Variants in KCNH8 observed in about 807,000 individuals in gnomAD.
The protein encoded by KCNH8 is potassium voltage-gated channel subfamily H member 8, also known as voltage-gated delayed rectifier potassium channel KCNH8.
In KCNH8, 70 loss-of-function variants were observed where a neutral mutation model predicts 103.6. The ratio of observed to expected loss-of-function variants is 0.68; its 90% CI spans 0.56 to 0.82. KCNH8 has a LOEUF of 0.82. KCNH8 is among the 40% of genes least tolerant of loss of function. KCNH8 has a pLI of 0.00. For missense variants in KCNH8, 1,217 were observed against 1,329.9 expected (o/e 0.92, Z 1.32); for synonymous variants, 498 against 489.4 (o/e 1.02, Z -0.23).
chr3:19,417,748 C>G (rs1473903904), intron 7 of KCNH8, among the ~76,000 whole-genome samples: 1 of 151,958 alleles, frequency 6.6e-6, no homozygotes, highest in African/African-American at 2.4e-5. Context: ...GATTATGTGT[C>G]TAAGAGACTA....
intron 1 of KCNH8, among the ~76,000 whole-genome samples, chr3:19,237,584 A>G (rs866715379): frequency 1.7e-4 from 26 of 152,348 alleles, no homozygotes; most frequent in African/African-American, 6.3e-4. Context: ...ATTTACAGTA[A>G]TCTGTACAGA....
At chr3:19,337,305 A>G (rs2065597473) in intron 3 of KCNH8, among the ~76,000 whole-genome samples, 1 of 152,124 alleles carries the variant, frequency 6.6e-6, no homozygotes, top group African/African-American at 2.4e-5. Flanking sequence ...TTCCTGGCAT[A>G]ATGCCTAGAA....
chr3:19,245,951 A>G (rs911738411), intron 1 of KCNH8, among the ~76,000 whole-genome samples: 1 of 152,140 alleles, frequency 6.6e-6, no homozygotes, highest in Non-Finnish European at 1.5e-5. Context: ...TTATTTTTCA[A>G]TATGAAACTT....
intron 2 of KCNH8, among the ~76,000 whole-genome samples, chr3:19,267,902 A>G (rs140263825): frequency 2.0e-5 from 3 of 152,112 alleles, no homozygotes; most frequent in African/African-American, 4.8e-5. Context: ...CAGTAATAGC[A>G]TCTGTTTCAT....
At chr3:19,428,931 C>A (rs2067069824) in intron 7 of KCNH8, among the ~76,000 whole-genome samples, 1 of 152,082 alleles carries the variant, frequency 6.6e-6, no homozygotes, top group South Asian at 2.1e-4. Flanking sequence ...TGTCTCTCTG[C>A]ATTCTATCTA....
intron 1 of KCNH8, among the ~76,000 whole-genome samples, chr3:19,154,319 G>A (rs1195829266): frequency 6.6e-6 from 1 of 152,156 alleles, no homozygotes; most frequent in Non-Finnish European, 1.5e-5. Context: ...AGGGTGTTAA[G>A]GGGTCAATGT....
intron 3 of KCNH8, among the ~76,000 whole-genome samples, chr3:19,306,804 T>C (rs931194800): frequency 6.6e-6 from 1 of 152,078 alleles, no homozygotes; most frequent in Admixed American, 6.6e-5. Flanking sequence ...TGTGATATCA[T>C]ATCAAGGATT....
chr3:19,203,970 A>G (rs1466771883), intron 1 of KCNH8, among the ~76,000 whole-genome samples: 1 of 152,136 alleles, frequency 6.6e-6, no homozygotes, highest in Non-Finnish European at 1.5e-5. Flanking sequence ...TTATTTTTAG[A>G]AAGAATTTCA....
At chr3:19,282,089 T>G (rs143322044) in intron 3 of KCNH8, among the ~76,000 whole-genome samples, 3 of 152,126 alleles carry the variant, frequency 2.0e-5, no homozygotes, top group Admixed American at 1.3e-4. Flanking sequence ...AATCAGCTAC[T>G]TGACATTTCA....
chr3:19,258,314 G>A (rs1209668886), intron 2 of KCNH8, among the ~76,000 whole-genome samples: 2 of 152,004 alleles, frequency 1.3e-5, no homozygotes, highest in African/African-American at 4.8e-5. Flanking sequence ...CAAGGTCCTT[G>A]TTCTTAAGCC....
chr3:19,488,808 T>G (rs1032287879), intron 11 of KCNH8, among the ~76,000 whole-genome samples: 7 of 152,140 alleles, frequency 4.6e-5, no homozygotes, highest in African/African-American at 1.4e-4. Context: ...TCTAGCTACT[T>G]AGTTGCCGCC....
chr3:19,352,736 G>T (rs2065821550), intron 5 of KCNH8, among the ~76,000 whole-genome samples: 2 of 152,302 alleles, frequency 1.3e-5, no homozygotes, highest in East Asian at 3.9e-4. Context: ...TTAAAGCAGT[G>T]TGTAGAGGGA....
At chr3:19,484,243 G>A (rs966840378) in intron 11 of KCNH8, among the ~76,000 whole-genome samples, 1 of 152,080 alleles carries the variant, frequency 6.6e-6, no homozygotes, top group Non-Finnish European at 1.5e-5. Context: ...CGTTTCCTGG[G>A]CTACATACCT....
At chr3:19,163,826 A>G (rs2063257134) in intron 1 of KCNH8, among the ~76,000 whole-genome samples, 1 of 152,304 alleles carries the variant, frequency 6.6e-6, no homozygotes, top group South Asian at 2.1e-4. Flanking sequence ...ATCCACTTCC[A>G]TTTAATGAAT....
At chr3:19,177,454 T>C (rs1231001748) in intron 1 of KCNH8, among the ~76,000 whole-genome samples, 2 of 152,108 alleles carry the variant, frequency 1.3e-5, no homozygotes, top group Admixed American at 6.5e-5. Flanking sequence ...TTCTATTATG[T>C]TCTATCTTTT....
At position 19,424,556 on chromosome 3, in the gene KCNH8, G is replaced by C. The variant is rs544764977; in HGVS notation, c.1178-13608G>C. Among the ~76,000 whole-genome samples the C allele has an allele frequency of 2.0e-5, 3 of 152,218 alleles. No individual in the cohort carries two copies. The South Asian group carries it at 6.2e-4, about 32-fold the overall frequency. On this transcript the variant is annotated intron_variant, in intron 7 of 15. Transcript: ENST00000328405. Reference sequence around the variant, plus strand: ...TCGTCTAGACATTGGCTTAGGCAAAGAGTTCATGACCAAGAACTCAAAAGC... The same window carrying C: ...TCGTCTAGACATTGGCTTAGGCAAACAGTTCATGACCAAGAACTCAAAAGC...
In KCNH8 at chr3:19,395,303, G is replaced by C; in HGVS notation, c.1169G>C (p.Trp390Ser). 6.2e-7 allele frequency: 1 copy of C among 1,608,780 alleles called. No homozygotes were observed. The change falls in exon 7 of 16, where the codon TGG (tryptophan) becomes TCG (serine). Residue 390 changes from tryptophan to serine, a missense_variant. Physicochemically the swap from Trp to Ser is radical, Grantham distance 177 (BLOSUM62 -3). Around this residue, in one of 3 missense-constraint regions of KCNH8, gnomAD observed 415 missense variants for 577.4 expected, o/e 0.72. Transcript: ENST00000328405. ...AGGGAAGACAACAGCCTTCTGAAGT[G>C]GGAAGTTGGTAAGGGCTTACATTTG... ...MEREDNSLLK[W>S]EVGWLHELGK... is the part of the protein sequence containing the mutation.
chr3:19,403,401 A>ATAT (rs1559311343), intron 7 of KCNH8, among the ~76,000 whole-genome samples: 3 of 105,212 alleles, frequency 2.9e-5, no homozygotes, highest in Non-Finnish European at 4.3e-5. Flanking sequence ...TATATATATA[A>ATAT]AATCCTTCTG....
intron 7 of KCNH8, among the ~76,000 whole-genome samples, chr3:19,419,324 C>T (rs1433540071): frequency 6.7e-6 from 1 of 150,344 alleles, no homozygotes; most frequent in African/African-American, 2.4e-5. Context: ...CTCAGCCTCC[C>T]GAGTAGCTGG....
Sources: allele counts gnomAD v4.1 joint callset (sites outside exome capture counted in the v4.1 genomes callset), GRCh38; gene constraint gnomAD v4.1.1; regional missense constraint gnomAD v4.1.1; transcripts MANE v1.5; gene names NCBI Gene and HGNC (gene_info 2026-07-23, HGNC 2026-07-21).